CHRM5: variants seen among roughly 807,000 people sequenced by gnomAD.
CHRM5 encodes the protein cholinergic receptor muscarinic 5, also known as muscarinic acetylcholine receptor M5.
CHRM5 carries 18 observed loss-of-function variants against 39.0 expected under a neutral mutation model. The ratio of observed to expected loss-of-function variants is 0.46; its 90% confidence interval spans 0.32 to 0.68. CHRM5 has a LOEUF of 0.68. CHRM5 is among the 30% of genes least tolerant of loss of function. The pLI, the probability that CHRM5 is intolerant of heterozygous loss-of-function variation, is 0.04. For missense variants in CHRM5, 515 were observed against 651.1 expected, an observed-to-expected ratio of 0.79 and a Z score of 2.28; for synonymous variants, 241 against 246.3, an observed-to-expected ratio of 0.98 and a Z score of 0.20.
At chr15:34,014,363 T>C (rs1243445814) in intron 1 of CHRM5, among the ~76,000 whole-genome samples, 2 of 75,048 alleles carry the variant, frequency 2.7e-5, no homozygotes, top group Admixed American at 2.2e-4. Context: ...AAACTCCATC[T>C]CATTAAAAAA....
In CHRM5 at chr15:34,062,778, C is replaced by A. The variant is rs757707285; in HGVS notation, c.61C>A (p.Pro21Thr). ...TVNGTPVNHQ[P>T]LERHRLWEVI... ...CAATGGCACCCCAGTAAATCACCAG[C>A]CTTTGGAACGCCACAGGTTGTGGGA... Residue 21 changes from proline to threonine, a missense_variant, in exon 3 of 3, where the codon CCT (proline) becomes ACT (threonine). By Grantham distance (38) the Pro-to-Thr change is conservative. Coordinates refer to ENST00000383263, the MANE Select transcript of CHRM5 (RefSeq NM_012125.4). 1 of 1,614,122 alleles carries A rather than the reference C, an allele frequency of 6.2e-7. No individual in the cohort carries two copies. The highest frequency in any genetic ancestry group is 1.7e-5 in the Admixed American group (1 of 60,026).
intron 1 of CHRM5, among the ~76,000 whole-genome samples, chr15:34,012,386 AT>A (rs1296432233): frequency 2.6e-5 from 4 of 152,218 alleles, no homozygotes; most frequent in Non-Finnish European, 4.4e-5. Flanking sequence ...CTTTATATAA[AT>A]ACCCTGAGCA....
Position 34,039,112 on chromosome 15 carries a change from C to T in CHRM5, c.-407-7428C>T, listed in dbSNP as rs1266151359. 4 of 1,055,546 alleles carry T rather than the reference C, an allele frequency of 3.8e-6. No homozygotes were observed. In the Admixed American group the frequency reaches 1.6e-4, roughly 43 times the overall value. 65.4% of individuals were successfully genotyped at this position (1,055,546 alleles called of 1,614,324 possible). On this transcript the variant is annotated intron_variant, in intron 1 of 2. Transcript: ENST00000383263. Reference sequence around the variant, plus strand: ...TGCGGCGGAGACGCCCTGGCCCCACCGGAAGCGGGCCGCACGGAGGAGCCG... The same window carrying T: ...TGCGGCGGAGACGCCCTGGCCCCACTGGAAGCGGGCCGCACGGAGGAGCCG...
intron 1 of CHRM5, among the ~76,000 whole-genome samples, chr15:33,980,719 C>T (rs375415283): frequency 6.6e-6 from 1 of 152,148 alleles, no homozygotes; most frequent in African/African-American, 2.4e-5. Flanking sequence ...TATCTGTACA[C>T]GGAGAACCCC....
chr15:34,058,308 C>A (rs1483389105), intron 2 of CHRM5, among the ~76,000 whole-genome samples: 1 of 151,998 alleles, frequency 6.6e-6, no homozygotes. Context: ...TAAAATTAAC[C>A]ATCACACTAT....
intron 1 of CHRM5, among the ~76,000 whole-genome samples, chr15:34,015,058 G>GC (rs1471393530): frequency 3.9e-4 from 59 of 152,254 alleles, no homozygotes; most frequent in African/African-American, 1.2e-3. Flanking sequence ...GTCCTTAACA[G>GC]TGTGTCTCCC....
intron 1 of CHRM5, among the ~76,000 whole-genome samples, chr15:33,975,816 G>C (rs1323047270): frequency 2.0e-5 from 3 of 152,168 alleles, no homozygotes; most frequent in Admixed American, 6.5e-5. Context: ...TGTAGTCCCA[G>C]CTACTCGGGA....
intron 1 of CHRM5, among the ~76,000 whole-genome samples, chr15:34,034,417 A>G (rs1411097329): frequency 2.0e-5 from 3 of 150,662 alleles, no homozygotes; most frequent in Non-Finnish European, 4.4e-5. Flanking sequence ...CTCCAGCGTG[A>G]GCAACAAAGT....
At chr15:34,023,265 T>G (rs1898292498) in intron 1 of CHRM5, among the ~76,000 whole-genome samples, 1 of 152,176 alleles carries the variant, frequency 6.6e-6, no homozygotes, top group Non-Finnish European at 1.5e-5. Flanking sequence ...CACTTCACAA[T>G]CTGCCAGCTT....
chr15:34,011,569 A>T (rs1897639684), intron 1 of CHRM5, among the ~76,000 whole-genome samples: 1 of 152,220 alleles, frequency 6.6e-6, no homozygotes, highest in Admixed American at 6.5e-5. Context: ...TAGCAAAAGA[A>T]GTATATACAG....
intron 2 of CHRM5, among the ~76,000 whole-genome samples, chr15:34,051,902 C>A (rs1899936640): frequency 6.6e-6 from 1 of 151,958 alleles, no homozygotes; most frequent in African/African-American, 2.4e-5. Context: ...AGATTTACAG[C>A]AGAATTCTAC....
intron 1 of CHRM5, among the ~76,000 whole-genome samples, chr15:33,994,081 T>G (rs566859178): frequency 7.2e-5 from 11 of 152,302 alleles, no homozygotes; most frequent in African/African-American, 2.2e-4. Context: ...CCCCAGACCA[T>G]GGATCAGTAC....
At chr15:34,060,362 C>A (rs1900293741) in intron 2 of CHRM5, among the ~76,000 whole-genome samples, 2 of 152,080 alleles carry the variant, frequency 1.3e-5, no homozygotes, top group Non-Finnish European at 2.9e-5. Flanking sequence ...CGGTGCAAGA[C>A]AATATCATCA....
At chr15:34,016,453 C>A (rs1426771224) in intron 1 of CHRM5, among the ~76,000 whole-genome samples, 1 of 152,158 alleles carries the variant, frequency 6.6e-6, no homozygotes, top group South Asian at 2.1e-4. Flanking sequence ...GTACTTGATT[C>A]TCTGCATGTG....
chr15:34,062,015 C>A (rs1900349632), intron 2 of CHRM5, among the ~76,000 whole-genome samples: 1 of 152,098 alleles, frequency 6.6e-6, no homozygotes, highest in South Asian at 2.1e-4. Context: ...ATTTAACATC[C>A]CTGCTTTCCT....
At chr15:33,996,938 G>T (rs555710545) in intron 1 of CHRM5, among the ~76,000 whole-genome samples, 2 of 152,106 alleles carry the variant, frequency 1.3e-5, no homozygotes, top group Admixed American at 6.5e-5. Context: ...CGAACCCATC[G>T]CAAGGAAGCT....
intron 1 of CHRM5, among the ~76,000 whole-genome samples, chr15:34,011,085 G>C (rs1248289628): frequency 6.6e-6 from 1 of 152,112 alleles, no homozygotes. Flanking sequence ...CCTGCACTTT[G>C]GGAGGCCTAG....
intron 1 of CHRM5, chr15:33,972,648 G>T (rs1895692086): frequency 6.6e-6 from 1 of 152,152 alleles, no homozygotes; most frequent in African/African-American, 2.4e-5. Context: ...CAGGAGTTAG[G>T]GTTCAATTAA....
chr15:34,026,679 T>TA (rs141813364), intron 1 of CHRM5, among the ~76,000 whole-genome samples: 2,694 of 152,286 alleles, frequency 0.018, 43 homozygotes, highest in South Asian at 0.073. Context: ...AAAAAAATGA[T>TA]AGACTATCAC....
Sources: gnomAD v4.1 joint callset for allele counts (sites outside exome capture counted in the v4.1 genomes callset) on GRCh38, gnomAD v4.1.1 for gene constraint, MANE v1.5 for transcripts, NCBI Gene and HGNC (gene_info 2026-07-23, HGNC 2026-07-21) for gene names.